Variants in CTNNA3 observed in about 807,000 individuals in gnomAD.
CTNNA3 encodes the protein catenin alpha 3.
In CTNNA3, 76 loss-of-function variants were observed where a neutral mutation model predicts 95.7. The ratio of observed to expected loss-of-function variants is 0.79; its 90% confidence interval spans 0.66 to 0.96. CTNNA3 has a LOEUF of 0.96. CTNNA3 is among the 40% of genes least tolerant of loss of function. The pLI is 0.00. For missense variants in CTNNA3, 1,191 were observed against 1,089.8 expected (o/e 1.09, Z -1.31); for synonymous variants, 431 against 374.4 (o/e 1.15, Z -1.74).
intron 11 of CTNNA3, among the ~76,000 whole-genome samples, chr10:66,507,595 C>A (rs1840495129): frequency 6.6e-6 from 1 of 152,062 alleles, no homozygotes; most frequent in African/African-American, 2.4e-5. Context: ...TGAGAACATG[C>A]AATATTTATC....
chr10:66,467,979 G>A lies in CTNNA3; in HGVS notation c.1531+52638C>T, dbSNP rs114679446. Among the ~76,000 whole-genome samples, 644 of 151,926 alleles carry A rather than the reference G, an allele frequency of 4.2e-3. 9 individuals carry two copies. The highest frequency in any genetic ancestry group is 0.014 in the African/African-American group (598 of 41,436). ...ATAGTAGTAGGAGGATCTTCTTAGC[G>A]TAATAGTAAGTAACAGACCCTTAAA... On this transcript the variant is annotated intron_variant, in intron 11 of 17. Transcript: ENST00000433211.
chr10:67,583,078 A>G (rs1227029914), intron 3 of CTNNA3, among the ~76,000 whole-genome samples: 1 of 152,022 alleles, frequency 6.6e-6, no homozygotes, highest in Non-Finnish European at 1.5e-5. Flanking sequence ...TAATATTGTT[A>G]TGTGTGAATT....
chr10:67,358,476 C>A (rs753597624), intron 5 of CTNNA3, among the ~76,000 whole-genome samples: 3 of 152,076 alleles, frequency 2.0e-5, no homozygotes, highest in Non-Finnish European at 4.4e-5. Context: ...ACCACAGACA[C>A]CCAGTTTGAA....
At chr10:67,485,787 C>A (rs997376) in intron 5 of CTNNA3, among the ~76,000 whole-genome samples, 44,650 of 152,140 alleles carry the variant, frequency 0.29, 11,149 homozygotes, top group African/African-American at 0.68. Flanking sequence ...CACAAGAAAC[C>A]TAAAAGGCCT....
At chr10:66,689,288 A>C (rs1847426000) in intron 9 of CTNNA3, among the ~76,000 whole-genome samples, 2 of 152,154 alleles carry the variant, frequency 1.3e-5, no homozygotes, top group Non-Finnish European at 2.9e-5. Context: ...ACTGAGTATC[A>C]AGACTTTCAA....
At chr10:66,856,218 C>G (rs1024211574) in intron 7 of CTNNA3, among the ~76,000 whole-genome samples, 1 of 152,052 alleles carries the variant, frequency 6.6e-6, no homozygotes, top group Admixed American at 6.6e-5. Context: ...ATAATGGTCT[C>G]TAGCTCCAAC....
chr10:67,106,281 G>A (rs556047513), intron 7 of CTNNA3, among the ~76,000 whole-genome samples: 1 of 152,244 alleles, frequency 6.6e-6, no homozygotes, highest in Admixed American at 6.5e-5. Flanking sequence ...TTAATAATCT[G>A]ATATAGTTTT....
At chr10:66,705,216 T>C (rs975131705) in intron 9 of CTNNA3, among the ~76,000 whole-genome samples, 1 of 152,084 alleles carries the variant, frequency 6.6e-6, no homozygotes, top group Non-Finnish European at 1.5e-5. Flanking sequence ...ATAAATCGTA[T>C]TTCATTAGGA....
chr10:67,289,755 GATGA>G (rs773733391), intron 5 of CTNNA3, among the ~76,000 whole-genome samples: 7,430 of 151,812 alleles, frequency 0.049, 604 homozygotes, highest in African/African-American at 0.17. Flanking sequence ...AGGAAGGATG[GATGA>G]ATGGATGGAT....
intron 13 of CTNNA3, among the ~76,000 whole-genome samples, chr10:66,161,615 C>T (rs868364144): frequency 6.6e-6 from 1 of 152,196 alleles, no homozygotes; most frequent in African/African-American, 2.4e-5. Flanking sequence ...GTGCTTCTGT[C>T]TCACAGCTCT....
intron 2 of CTNNA3, among the ~76,000 whole-genome samples, chr10:67,614,341 T>C (rs912731891): frequency 1.3e-5 from 2 of 152,220 alleles, no homozygotes; most frequent in Admixed American, 1.3e-4. Context: ...ATTACATTTA[T>C]TGTGTACTTT....
Position 67,753,992 on chromosome 10 carries a change from C to T in CTNNA3, c.-2+9442G>A, listed in dbSNP as rs371245816. ...TATACCCAAAGGAATATAAATCATT[C>T]TATTATAAAGATACATGCACACATA... On this transcript the variant is annotated intron_variant, in intron 1 of 17. Coordinates refer to the CTNNA3 transcript ENST00000684154. 2.6e-5 allele frequency among the ~76,000 whole-genome samples: 4 copies of T among 152,302 alleles called. No individual in the cohort carries two copies. In the East Asian group the frequency reaches 7.7e-4, roughly 29 times the overall value.
intron 9 of CTNNA3, among the ~76,000 whole-genome samples, chr10:66,666,400 GT>G (rs1564605418): frequency 1.3e-5 from 2 of 152,158 alleles, no homozygotes; most frequent in Non-Finnish European, 2.9e-5. Flanking sequence ...GAAGCAGCCT[GT>G]TCCATCTTTG....
intron 15 of CTNNA3, among the ~76,000 whole-genome samples, chr10:66,053,845 A>G (rs765935684): frequency 1.3e-5 from 2 of 152,098 alleles, no homozygotes; most frequent in Non-Finnish European, 2.9e-5. Flanking sequence ...TTGTGCTACC[A>G]AATGCCAGAT....
At chr10:67,498,795 A>G (rs1258529955) in intron 5 of CTNNA3, among the ~76,000 whole-genome samples, 1 of 152,140 alleles carries the variant, frequency 6.6e-6, no homozygotes, top group Non-Finnish European at 1.5e-5. Context: ...GTATCCTGAG[A>G]CTTTGCTGAA....
At chr10:67,202,587 T>A (rs1168247246) in intron 6 of CTNNA3, among the ~76,000 whole-genome samples, 1 of 152,176 alleles carries the variant, frequency 6.6e-6, no homozygotes, top group African/African-American at 2.4e-5. Context: ...AATTATGTTT[T>A]ACTAATTTTT....
intron 17 of CTNNA3, among the ~76,000 whole-genome samples, chr10:65,948,815 TG>T (rs2077565331): frequency 6.6e-6 from 1 of 152,224 alleles, no homozygotes. Context: ...TCTTTAAATT[TG>T]AAGCCTGAAA....
Position 66,927,642 on chromosome 10 carries a change from T to A in CTNNA3, c.1048-152118A>T. Reference sequence around the variant, plus strand: ...TTTACTTGCAGTGGAATAAAATCAGTGTCATAGGACAGACCATGTCCTGGA... The same window carrying A: ...TTTACTTGCAGTGGAATAAAATCAGAGTCATAGGACAGACCATGTCCTGGA... On this transcript the variant is annotated intron_variant, in intron 7 of 17. Transcript: ENST00000433211. This position sits in a 1 kb window ranked among gnomAD's most constrained non-coding sequence, Gnocchi z 4.7. 6.2e-7 allele frequency: 1 copy of A among 1,614,156 alleles called. No individual in the cohort carries two copies. Among genetic ancestry groups the A allele is most frequent in the Non-Finnish European group, 8.5e-7 (1 of 1,180,024 alleles).
intron 11 of CTNNA3, among the ~76,000 whole-genome samples, chr10:66,434,596 G>A (rs905569982): frequency 1.3e-5 from 2 of 152,134 alleles, no homozygotes; most frequent in African/African-American, 4.8e-5. Context: ...TGCAAACAGA[G>A]ACAATTTGAC....
Sources: allele counts gnomAD v4.1 joint callset (sites outside exome capture counted in the v4.1 genomes callset), GRCh38; gene constraint gnomAD v4.1.1; non-coding constraint Gnocchi (gnomAD v3.1); transcripts MANE v1.5; gene names NCBI Gene and HGNC (gene_info 2026-07-23, HGNC 2026-07-21).